Variants in MACROD2 observed in about 807,000 individuals in gnomAD.
MACROD2 encodes the protein ADP-ribose glycohydrolase MACROD2.
In MACROD2, 36 loss-of-function variants were observed where a neutral mutation model predicts 70.4. The observed-to-expected ratio is 0.51, with a 90% CI of 0.39 to 0.68. The LOEUF is 0.68. Ranked by LOEUF, MACROD2 falls within the 30% of genes least tolerant of loss-of-function variation. The pLI, the probability that MACROD2 is intolerant of heterozygous loss-of-function variation, is 0.00. For missense variants in MACROD2, 496 were observed against 538.4 expected (o/e 0.92, Z 0.78); for synonymous variants, 172 against 178.8 (o/e 0.96, Z 0.30).
rs141460987 is a variant in MACROD2 at position 14,953,964 on chromosome 20, A to G, written c.418+269005A>G. On this transcript the variant is annotated intron_variant, in intron 5 of 17. Coordinates refer to ENST00000684519, the MANE Select transcript of MACROD2 (RefSeq NM_001351661.2). ...ATGAGTGAGTGTTCATTTAGAATGC[A>G]TTTCACCAGTACTTCTTCAGTTTGA... Among the ~76,000 whole-genome samples, 385 of 152,234 alleles carry G rather than the reference A, an allele frequency of 2.5e-3. 2 individuals are homozygous for G. Among genetic ancestry groups the G allele is most frequent in the African/African-American group, 8.7e-3 (362 of 41,556 alleles).
chr20:14,872,662 T>G (rs1729526325), intron 5 of MACROD2, among the ~76,000 whole-genome samples: 1 of 152,158 alleles, frequency 6.6e-6, no homozygotes, highest in Non-Finnish European at 1.5e-5. Context: ...GTAAAATGGT[T>G]TAGTGTAATA....
At chr20:15,473,252 C>T (rs886327880) in intron 7 of MACROD2, among the ~76,000 whole-genome samples, 2 of 152,158 alleles carry the variant, frequency 1.3e-5, no homozygotes, top group Non-Finnish European at 2.9e-5. Flanking sequence ...TGGCCCAGAA[C>T]CACCATTCAA....
At chr20:15,532,918 T>C (rs2047824123) in intron 8 of MACROD2, among the ~76,000 whole-genome samples, 1 of 152,110 alleles carries the variant, frequency 6.6e-6, no homozygotes, top group African/African-American at 2.4e-5. Context: ...GAGGTTAGAG[T>C]AGCCCATGAT....
chr20:15,990,868 A>C (rs1345840345), intron 15 of MACROD2, among the ~76,000 whole-genome samples: 1 of 152,160 alleles, frequency 6.6e-6, no homozygotes, highest in East Asian at 1.9e-4. Flanking sequence ...TCAAAATTGC[A>C]ATTATAAGGT....
chr20:15,254,706 T>C (rs572765708), intron 6 of MACROD2, among the ~76,000 whole-genome samples: 30 of 152,166 alleles, frequency 2.0e-4, no homozygotes, highest in Non-Finnish European at 3.7e-4. Flanking sequence ...ATTATCACAG[T>C]AGTTCTATGA....
At chr20:14,358,206 T>C (rs2083190647) in intron 3 of MACROD2, among the ~76,000 whole-genome samples, 1 of 152,186 alleles carries the variant, frequency 6.6e-6, no homozygotes, top group African/African-American at 2.4e-5. Context: ...TACATATATA[T>C]AGGATAAAGT....
chr20:15,697,859 A>G (rs1480626024), intron 8 of MACROD2, among the ~76,000 whole-genome samples: 1 of 152,148 alleles, frequency 6.6e-6, no homozygotes, highest in Non-Finnish European at 1.5e-5. Context: ...CTTTTGTCTG[A>G]TATAAGAATA....
At chr20:14,062,532 CAA>C (rs751967496) in intron 2 of MACROD2, among the ~76,000 whole-genome samples, 1 of 151,958 alleles carries the variant, frequency 6.6e-6, no homozygotes, top group Non-Finnish European at 1.5e-5. Context: ...ACAATATTTG[CAA>C]AGACATGGAA....
chr20:15,426,298 T>A (rs1454616563), intron 6 of MACROD2, among the ~76,000 whole-genome samples: 1 of 152,108 alleles, frequency 6.6e-6, no homozygotes, highest in Non-Finnish European at 1.5e-5. Context: ...TGGCCCAACC[T>A]ATAATTTCAC....
intron 4 of MACROD2, among the ~76,000 whole-genome samples, chr20:14,598,414 A>G (rs1280044861): frequency 1.1e-4 from 16 of 152,098 alleles, no homozygotes; most frequent in Admixed American, 1.0e-3. Flanking sequence ...TTATTTCAGG[A>G]GAGTTGAATA....
intron 3 of MACROD2, among the ~76,000 whole-genome samples, chr20:14,341,059 C>T (rs1204049974): frequency 6.6e-6 from 1 of 152,202 alleles, no homozygotes; most frequent in Non-Finnish European, 1.5e-5. Context: ...ACAGTCATTT[C>T]ATGGAACAAT....
chr20:14,771,737 T>TGCAC (rs2072170293), intron 5 of MACROD2, among the ~76,000 whole-genome samples: 2 of 145,560 alleles, frequency 1.4e-5, no homozygotes, highest in Non-Finnish European at 3.0e-5. Context: ...ATACTTATCC[T>TGCAC]ACACACACAC....
chr20:15,015,401 A>G (rs1015665294), intron 5 of MACROD2, among the ~76,000 whole-genome samples: 1 of 151,982 alleles, frequency 6.6e-6, no homozygotes, highest in African/African-American at 2.4e-5. Context: ...TTAAAACTGT[A>G]CTGTGACTTT....
At chr20:14,846,554 C>G (rs894522853) in intron 5 of MACROD2, among the ~76,000 whole-genome samples, 9 of 151,180 alleles carry the variant, frequency 6.0e-5, no homozygotes, top group Non-Finnish European at 1.3e-4. Flanking sequence ...GTCTCCCTCT[C>G]TCACCCAGGC....
intron 2 of MACROD2, among the ~76,000 whole-genome samples, chr20:14,039,804 TG>T (rs2053366189): frequency 7.3e-6 from 1 of 136,660 alleles, no homozygotes; most frequent in African/African-American, 2.6e-5. Flanking sequence ...ATTTGCCATC[TG>T]TTTTTTTTTT....
intron 4 of MACROD2, among the ~76,000 whole-genome samples, chr20:14,536,595 C>G (rs1238298994): frequency 1.3e-5 from 2 of 151,072 alleles, no homozygotes; most frequent in Non-Finnish European, 2.9e-5. Flanking sequence ...AAAATCTAAC[C>G]TAACTGGGCT....
At chr20:14,898,957 C>T (rs188068846) in intron 5 of MACROD2, among the ~76,000 whole-genome samples, 1 of 152,162 alleles carries the variant, frequency 6.6e-6, no homozygotes, top group African/African-American at 2.4e-5. Context: ...TTAAATCATG[C>T]CTTTTTTTCT....
At chr20:15,307,921 G>T (rs901751483) in intron 6 of MACROD2, among the ~76,000 whole-genome samples, 1 of 150,646 alleles carries the variant, frequency 6.6e-6, no homozygotes, top group South Asian at 2.1e-4. Flanking sequence ...CCCTAATTTT[G>T]ATCTTAGGAT....
intron 5 of MACROD2, among the ~76,000 whole-genome samples, chr20:14,834,526 C>T (rs1235156002): frequency 6.6e-6 from 1 of 151,796 alleles, no homozygotes; most frequent in East Asian, 1.9e-4. Context: ...TTCGAAGGGA[C>T]CCATTAAGTG....
Sources: gnomAD v4.1 joint callset for allele counts (sites outside exome capture counted in the v4.1 genomes callset) on GRCh38, gnomAD v4.1.1 for gene constraint, MANE v1.5 for transcripts, NCBI Gene and HGNC (gene_info 2026-07-23, HGNC 2026-07-21) for gene names.